GBF1: variants seen among roughly 807,000 people sequenced by gnomAD.
GBF1 encodes golgi brefeldin A resistant guanine nucleotide exchange factor 1.
A neutral mutation model predicts 210.5 loss-of-function variants in GBF1; 114 were observed. That is an observed-to-expected ratio of 0.54 (90% CI 0.47 to 0.63). The LOEUF is 0.63. GBF1 is among the 30% of genes least tolerant of loss of function. The pLI is 0.00. For missense variants in GBF1, 1,851 were observed against 2,357.7 expected (o/e 0.79, Z 4.45); for synonymous variants, 850 against 889.2 (o/e 0.96, Z 0.78).
chr10:102,280,841 G>T (rs979068473), intron 3 of GBF1, among the ~76,000 whole-genome samples: 2 of 152,212 alleles, frequency 1.3e-5, no homozygotes, highest in African/African-American at 4.8e-5. Flanking sequence ...GGCAGATTTG[G>T]GTTGGGTAAA....
At chr10:102,313,083 A>T (rs1285575892) in intron 3 of GBF1, among the ~76,000 whole-genome samples, 1 of 152,152 alleles carries the variant, frequency 6.6e-6, no homozygotes. Context: ...GTAGTTCTGA[A>T]TGGGAACTCC....
upstream of GBF1, among the ~76,000 whole-genome samples, chr10:102,242,959 A>C (rs561235464): frequency 1.3e-3 from 188 of 149,530 alleles, no homozygotes; most frequent in Non-Finnish European, 2.4e-3. Flanking sequence ...GCCTAAGCCC[A>C]GTCACACAAT....
At chr10:102,242,951 C>CTAAGCCCA (rs1189088645), upstream of GBF1, among the ~76,000 whole-genome samples, 3 of 147,440 alleles carry the variant, frequency 2.0e-5, no homozygotes, top group Non-Finnish European at 4.4e-5. Context: ...AAAAAAGAGC[C>CTAAGCCCA]TAAGCCCAGT....
intron 3 of GBF1, among the ~76,000 whole-genome samples, chr10:102,284,819 CT>C (rs36121384): frequency 6.6e-6 from 1 of 152,048 alleles, no homozygotes; most frequent in Non-Finnish European, 1.5e-5. Context: ...CTATGTTTAA[CT>C]TTTTGAGTAA....
In GBF1 at chr10:102,376,369, C is replaced by G. The variant is rs1197760699; in HGVS notation, c.3984C>G (p.Gly1328=). The G allele has an allele frequency of 6.2e-7, 1 of 1,614,136 alleles. No homozygotes were observed. Reference sequence around the variant, plus strand: ...ACTCAGAGGTCTACACTGACCATGGCAGGCCGGGCAAGATACACCGATCAG... The same window carrying G: ...ACTCAGAGGTCTACACTGACCATGGGAGGCCGGGCAAGATACACCGATCAG... The part of the protein sequence containing the change: ...TSDSEVYTDH[G]RPGKIHRSAT... Residue 1328 remains glycine, a synonymous_variant, in exon 31 of 40, where the codon GGC becomes GGG. Transcript: ENST00000369983.
At chr10:102,329,308 T>G (rs958453561) in intron 3 of GBF1, among the ~76,000 whole-genome samples, 13 of 152,132 alleles carry the variant, frequency 8.5e-5, no homozygotes, top group African/African-American at 3.1e-4. Context: ...GGGGCCTCAC[T>G]CTCCCTCTTT....
At chr10:102,282,978 A>G (rs1293123125) in intron 3 of GBF1, among the ~76,000 whole-genome samples, 1 of 152,204 alleles carries the variant, frequency 6.6e-6, no homozygotes, top group Non-Finnish European at 1.5e-5. Context: ...GAGAGGAGGT[A>G]AAGTAGCGGG....
intron 3 of GBF1, among the ~76,000 whole-genome samples, chr10:102,295,662 G>T (rs1017248797): frequency 5.3e-5 from 8 of 152,110 alleles, no homozygotes; most frequent in Non-Finnish European, 1.2e-4. Context: ...TTGGGCGTTT[G>T]TTAGTCTGTT....
rs377665449 is a variant in GBF1 at position 102,379,315 on chromosome 10, G to A, written c.4526G>A (p.Arg1509Gln). The A allele has an allele frequency of 3.1e-5, 50 of 1,613,656 alleles. No homozygotes were observed. Among genetic ancestry groups the A allele is most frequent in the Admixed American group, 2.8e-4 (17 of 59,984 alleles). Residue 1509 changes from arginine (R) to glutamine (Q), a missense_variant, in exon 34 of 40, where the codon CGG (arginine) becomes CAG (glutamine). By Grantham distance (43) the Arg-to-Gln change is conservative. Coordinates refer to ENST00000369983, the MANE Select transcript of GBF1 (RefSeq NM_001377137.1). Reference sequence around the variant, plus strand: ...GACCTGATGCACACCCTGCACACGCGGGCAGCCTCTATCTACAGCTCATGG... The same window carrying A: ...GACCTGATGCACACCCTGCACACGCAGGCAGCCTCTATCTACAGCTCATGG... ...LLDLMHTLHTRAASIYSSWAE... is the reference protein window; with the variant it reads ...LLDLMHTLHTQAASIYSSWAE...
the GBF1 span, among the ~76,000 whole-genome samples, chr10:102,238,506 A>C: frequency 6.6e-6 from 1 of 152,212 alleles, no homozygotes; most frequent in South Asian, 2.1e-4. Flanking sequence ...AGTCCACGAT[A>C]GGGTGGCCCG....
At chr10:102,274,777 T>A (rs1052652831) in intron 3 of GBF1, among the ~76,000 whole-genome samples, 1 of 144,572 alleles carries the variant, frequency 6.9e-6, no homozygotes, top group Non-Finnish European at 1.5e-5. Context: ...AGTGGCGTGA[T>A]CTTTGCTCAC....
intron 3 of GBF1, among the ~76,000 whole-genome samples, chr10:102,299,839 C>A (rs1340127413): frequency 6.6e-6 from 1 of 152,106 alleles, no homozygotes; most frequent in African/African-American, 2.4e-5. Flanking sequence ...CCTACACATA[C>A]CTGTGTACTA....
upstream of GBF1, among the ~76,000 whole-genome samples, chr10:102,242,443 A>G (rs2070560759): frequency 1.3e-5 from 2 of 152,180 alleles, no homozygotes; most frequent in African/African-American, 4.8e-5. Flanking sequence ...CGCTGGTGGT[A>G]CCAGGTTAAG....
chr10:102,381,121 C>T lies in GBF1; in HGVS notation c.5174-6C>T, dbSNP rs1180709480. The T allele has an allele frequency of 6.2e-7, 1 of 1,613,564 alleles. No homozygotes were observed. Among genetic ancestry groups the T allele is most frequent in the Non-Finnish European group, 8.5e-7 (1 of 1,179,746 alleles). On this transcript the variant is annotated splice_polypyrimidine_tract_variant and splice_region_variant and intron_variant, in intron 38 of 39. Transcript: ENST00000369983. ...AGGTGCCATCTCAATTCTCTACCGT[C>T]TCCAGACCCCATGCCCATGGAGCCT...
intron 17 of GBF1, 125 bp from the exon 18 acceptor site, chr10:102,365,272 A>G: frequency 1.5e-6 from 1 of 671,528 alleles, no homozygotes; most frequent in South Asian, 1.8e-5. Context: ...TTCTGTAATC[A>G]CTAAGAACCA....
At chr10:102,348,863 T>C (rs1358484404) in intron 4 of GBF1, among the ~76,000 whole-genome samples, 1 of 152,166 alleles carries the variant, frequency 6.6e-6, no homozygotes, top group East Asian at 1.9e-4. Context: ...AGAGAAATGT[T>C]TGGGGGCCAG....
chr10:102,251,752 C>T (rs544496560), intron 1 of GBF1, among the ~76,000 whole-genome samples: 55 of 152,162 alleles, frequency 3.6e-4, no homozygotes, highest in African/African-American at 1.2e-3. Flanking sequence ...GACAGGGTCT[C>T]GCCATGTTGC....
chr10:102,233,555 C>T, the GBF1 span, among the ~76,000 whole-genome samples: 3 of 152,186 alleles, frequency 2.0e-5, no homozygotes, highest in Non-Finnish European at 2.9e-5. Flanking sequence ...CTGCCTGCCT[C>T]GGCCTCCCAA....
chr10:102,368,789 A>G lies in GBF1; in HGVS notation c.2930A>G (p.Asn977Ser). The G allele has an allele frequency of 3.1e-6, 5 of 1,605,902 alleles. No individual in the cohort carries two copies. Among genetic ancestry groups the G allele is most frequent in the South Asian group, 1.1e-5 (1 of 90,928 alleles). ...TATGGCCTCAGCGATGTGTTTGACA[A>G]TCTCATCATCTCTCTATGCAAATTC... is the stretch of plus-strand genomic sequence containing the variant. The part of the protein sequence containing the change: ...AHYGLSDVFD[N>S]LIISLCKFTA... The change falls in exon 23 of 40, where the codon AAT (asparagine) becomes AGT (serine). Residue 977 changes from asparagine to serine, a missense_variant. Around this residue, in one of 3 missense-constraint regions of GBF1, gnomAD observed 967 missense variants for 1,247.7 expected, o/e 0.78. Transcript: ENST00000369983.
Sources: allele counts gnomAD v4.1 joint callset (sites outside exome capture counted in the v4.1 genomes callset), GRCh38; gene constraint gnomAD v4.1.1; regional missense constraint gnomAD v4.1.1; transcripts MANE v1.5; gene names NCBI Gene and HGNC (gene_info 2026-07-23, HGNC 2026-07-21).